Variants in TOM1L2 observed in about 807,000 individuals in gnomAD.
The protein encoded by TOM1L2 is TOM1-like protein 2.
Under a neutral mutation model 67.9 loss-of-function variants are expected in TOM1L2, and 31 were observed. The observed-to-expected ratio is 0.46, with a 90% CI of 0.34 to 0.62. TOM1L2 has a LOEUF of 0.62. TOM1L2 is among the 20% of genes least tolerant of loss of function. The pLI is 0.01. For missense variants in TOM1L2, 606 were observed against 663.5 expected, an observed-to-expected ratio of 0.91 and a Z score of 0.95; for synonymous variants, 256 against 254.0, an observed-to-expected ratio of 1.01 and a Z score of -0.07.
In TOM1L2 at chr17:17,878,979, G is replaced by T. The variant is rs191370195; in HGVS notation, c.777+648C>A. Among the ~76,000 whole-genome samples, 45 of 152,302 alleles carry T rather than the reference G, an allele frequency of 3.0e-4. No individual in the cohort carries two copies. The East Asian group carries it at 8.7e-3, about 29-fold the overall frequency. On this transcript the variant is annotated intron_variant, in intron 7 of 14. Coordinates refer to ENST00000379504, the MANE Select transcript of TOM1L2 (RefSeq NM_001082968.2). Reference sequence around the variant, plus strand: ...TGGTTTCAGGGGTAGACTGCAGGCCGCCCACTCCTGGACCCCATTCTGCCA... The same window carrying T: ...TGGTTTCAGGGGTAGACTGCAGGCCTCCCACTCCTGGACCCCATTCTGCCA...
At chr17:17,891,783 A>ATG (rs2038291106) in intron 4 of TOM1L2, among the ~76,000 whole-genome samples, 1 of 115,820 alleles carries the variant, frequency 8.6e-6, no homozygotes, top group Admixed American at 8.8e-5. Context: ...GTGCATGCAC[A>ATG]CGTGTGTGTG....
Position 17,861,461 on chromosome 17 carries a change from G to C in TOM1L2, c.1278+15C>G. 1 of 1,612,704 alleles carries C rather than the reference G, an allele frequency of 6.2e-7. No individual in the cohort carries two copies. The highest frequency in any genetic ancestry group is 8.5e-7 in the Non-Finnish European group (1 of 1,179,084). On this transcript the variant is annotated intron_variant, in intron 12 of 14. Transcript: ENST00000379504. ...CCAGAAGACTCCAGGCAGAAAAACA[G>C]GGTTAAAGACCTACCCCTTCTGAAC...
At chr17:17,869,155 A>G in intron 8 of TOM1L2, 185 bp downstream of exon 8, 2 of 1,123,450 alleles carry the variant, frequency 1.8e-6, no homozygotes, top group Non-Finnish European at 2.5e-6. Flanking sequence ...TCTGCTGCTC[A>G]GTTCCCAGGA....
Position 17,869,568 on chromosome 17 carries a change from A to T in TOM1L2, c.778-95T>A. 2.7e-6 allele frequency: 4 copies of T among 1,465,542 alleles called. No homozygotes were observed. The South Asian group carries it at 5.7e-5, about 21-fold the overall frequency. 90.8% of individuals were successfully genotyped at this position (1,465,542 alleles called of 1,614,324 possible). On this transcript the variant is annotated intron_variant, in intron 7 of 14. Coordinates refer to ENST00000379504, the MANE Select transcript of TOM1L2 (RefSeq NM_001082968.2). The stretch of plus-strand genomic sequence containing the variant: ...AAATTTGTACTGATTCTTAAAAGTC[A>T]CAAAAGGAGTACATGCTTGTTCATA...
At chr17:17,869,632 CT>C in intron 7 of TOM1L2, 159 bp from the exon 8 acceptor site, 1 of 1,400,736 alleles carries the variant, frequency 7.1e-7, no homozygotes, top group Non-Finnish European at 9.3e-7. Flanking sequence ...GAAGTTCCCT[CT>C]TCACTGCCTG....
chr17:17,900,803 G>A (rs2038817322), intron 2 of TOM1L2, among the ~76,000 whole-genome samples: 1 of 152,188 alleles, frequency 6.6e-6, no homozygotes. Context: ...TCTCTGCTTT[G>A]AAGGCTGTTT....
At chr17:17,905,260 A>G (rs1015133014) in intron 2 of TOM1L2, among the ~76,000 whole-genome samples, 3 of 152,104 alleles carry the variant, frequency 2.0e-5, no homozygotes, top group African/African-American at 4.8e-5. Flanking sequence ...CCCCAACTCA[A>G]GTTCCCTGTG....
chr17:17,855,065 G>GA (rs1229072451), intron 12 of TOM1L2, among the ~76,000 whole-genome samples: 1 of 152,238 alleles, frequency 6.6e-6, no homozygotes, highest in African/African-American at 2.4e-5. Context: ...GCAGTGGTTA[G>GA]ACCAGCCCTG....
chr17:17,966,522 C>T (rs564567519), intron 1 of TOM1L2, among the ~76,000 whole-genome samples: 16 of 152,302 alleles, frequency 1.1e-4, no homozygotes, highest in African/African-American at 3.8e-4. Context: ...ACTTCCCACC[C>T]CAAACCTACT....
intron 1 of TOM1L2, among the ~76,000 whole-genome samples, chr17:17,959,188 G>A (rs900045701): frequency 1.3e-5 from 2 of 152,182 alleles, no homozygotes; most frequent in East Asian, 1.9e-4. Flanking sequence ...ATTTATAGCC[G>A]GTCATGGGAA....
chr17:17,910,642 T>C (rs2039305171), intron 1 of TOM1L2, among the ~76,000 whole-genome samples: 1 of 152,002 alleles, frequency 6.6e-6, no homozygotes, highest in Non-Finnish European at 1.5e-5. Context: ...TGATCTCGGC[T>C]CACTGCAACC....
At chr17:17,948,865 A>G (rs1374355327) in intron 1 of TOM1L2, among the ~76,000 whole-genome samples, 1 of 152,098 alleles carries the variant, frequency 6.6e-6, no homozygotes, top group Non-Finnish European at 1.5e-5. Flanking sequence ...TGCCTGATGG[A>G]TCAAAGACCC....
chr17:17,953,490 C>T (rs2041296262), intron 1 of TOM1L2, among the ~76,000 whole-genome samples: 1 of 152,142 alleles, frequency 6.6e-6, no homozygotes. Flanking sequence ...GAACCACTGT[C>T]CCTGCAAAAG....
Position 17,847,499 on chromosome 17 carries a change from G to T in TOM1L2, c.*136C>A. The stretch of plus-strand genomic sequence containing the variant: ...GTCCTGACTAGTGGGAGGCCTGGGA[G>T]CAGACACGGTGGCATTTCCATGGAA... On this transcript the variant is annotated 3_prime_UTR_variant, in exon 15 of 15. Coordinates refer to ENST00000379504, the MANE Select transcript of TOM1L2 (RefSeq NM_001082968.2). 2 of 1,199,884 alleles carry T rather than the reference G, an allele frequency of 1.7e-6. No individual in the cohort carries two copies. Among genetic ancestry groups the T allele is most frequent in the Non-Finnish European group, 2.3e-6 (2 of 875,324 alleles). The allele number at this position is 1,199,884 out of a possible 1,614,324, so 74.3% of individuals were successfully genotyped here.
chr17:17,960,001 TAAG>T (rs2041619766), intron 1 of TOM1L2, among the ~76,000 whole-genome samples: 2 of 152,234 alleles, frequency 1.3e-5, no homozygotes, highest in African/African-American at 4.8e-5. Flanking sequence ...CTTCCATTAC[TAAG>T]AAGTGCCTCA....
At chr17:17,862,482 A>G (rs1263001638) in intron 11 of TOM1L2, 1 of 427,152 alleles carries the variant, frequency 2.3e-6, no homozygotes, top group Non-Finnish European at 4.2e-6. Flanking sequence ...TACAACTGAC[A>G]GGAGAAATCA....
At chr17:17,879,801 C>T in intron 6 of TOM1L2, 58 bp from the exon 7 acceptor site, 1 of 1,379,270 alleles carries the variant, frequency 7.3e-7, no homozygotes, top group Non-Finnish European at 1.0e-6. Context: ...CCTGCACTTG[C>T]AATATCAGAA....
chr17:17,962,097 A>T (rs773003515), intron 1 of TOM1L2, among the ~76,000 whole-genome samples: 20 of 152,234 alleles, frequency 1.3e-4, no homozygotes, highest in Non-Finnish European at 2.1e-4. Context: ...GACATTATGC[A>T]AGTGAAGTCA....
intron 1 of TOM1L2, among the ~76,000 whole-genome samples, chr17:17,954,380 T>C (rs1162998734): frequency 6.6e-6 from 1 of 151,442 alleles, no homozygotes; most frequent in Non-Finnish European, 1.5e-5. Context: ...TGGTGCAATC[T>C]TGGCTCACTG....
Sources: gnomAD v4.1 joint callset for allele counts (sites outside exome capture counted in the v4.1 genomes callset) on GRCh38, gnomAD v4.1.1 for gene constraint, MANE v1.5 for transcripts, NCBI Gene and HGNC (gene_info 2026-07-23, HGNC 2026-07-21) for gene names.